Variants in CACNB4 observed in about 807,000 individuals in gnomAD.
CACNB4 encodes voltage-dependent L-type calcium channel subunit beta-4.
Under a neutral mutation model 71.2 loss-of-function variants are expected in CACNB4, and 32 were observed. That is an observed-to-expected ratio of 0.45 (90% confidence interval 0.34 to 0.60). CACNB4 has a LOEUF of 0.60. Ranked by LOEUF, CACNB4 falls within the 20% of genes least tolerant of loss-of-function variation. CACNB4 has a pLI of 0.01. For synonymous variants in CACNB4, 231 were observed against 236.9 expected (o/e 0.97, Z 0.23); for missense variants, 464 against 647.9 (o/e 0.72, Z 3.08).
intron 2 of CACNB4, among the ~76,000 whole-genome samples, chr2:151,994,453 A>C (rs187360245): frequency 2.0e-5 from 3 of 149,720 alleles, no homozygotes; most frequent in Non-Finnish European, 4.5e-5. Flanking sequence ...TGATCTGCCC[A>C]CCTTGGCCTC....
intron 2 of CACNB4, among the ~76,000 whole-genome samples, chr2:151,889,752 T>C (rs992340425): frequency 6.6e-6 from 1 of 152,162 alleles, no homozygotes; most frequent in Non-Finnish European, 1.5e-5. Context: ...TTCCTTTTCC[T>C]TCACCCCCTT....
At position 152,035,586 on chromosome 2, in the gene CACNB4, TCCC is replaced by T. The variant is rs1579174026; in HGVS notation, c.147+62741_147+62743del. On this transcript the variant is annotated intron_variant, in intron 2 of 13. Transcript: ENST00000539935. ...CTCTCTCTTTCTCTCTCTCTCTCTC[TCCC>T]TCTCTCTCTCTCTTTCTCTCTCTCT... Among the ~76,000 whole-genome samples, 15 of 148,112 alleles carry T rather than the reference TCCC, an allele frequency of 1.0e-4. No individual in the cohort carries two copies. The East Asian group carries it at 2.8e-3, about 28-fold the overall frequency.
intron 2 of CACNB4, among the ~76,000 whole-genome samples, chr2:151,929,596 G>A (rs1156609750): frequency 6.6e-6 from 1 of 152,154 alleles, no homozygotes; most frequent in African/African-American, 2.4e-5. Flanking sequence ...TGGAAAGGAA[G>A]GGGCAACAAT....
chr2:151,867,096 A>G (rs1303364583), intron 9 of CACNB4: 2 of 152,236 alleles, frequency 1.3e-5, no homozygotes, highest in Non-Finnish European at 2.9e-5. Context: ...TTATAGACCA[A>G]AATAATCTAA....
At chr2:151,944,556 C>A (rs1372554715) in intron 2 of CACNB4, among the ~76,000 whole-genome samples, 1 of 152,132 alleles carries the variant, frequency 6.6e-6, no homozygotes, top group Non-Finnish European at 1.5e-5. Flanking sequence ...CTTGAGGAGG[C>A]CAAGGCAGGC....
At chr2:152,030,651 A>G (rs1684236324) in intron 2 of CACNB4, among the ~76,000 whole-genome samples, 1 of 152,058 alleles carries the variant, frequency 6.6e-6, no homozygotes, top group Non-Finnish European at 1.5e-5. Context: ...CCTGTGTCCA[A>G]GTGTTCTCAT....
chr2:151,903,304 T>G (rs754476764), intron 2 of CACNB4, among the ~76,000 whole-genome samples: 60 of 152,030 alleles, frequency 3.9e-4, no homozygotes, highest in Admixed American at 9.8e-4. Context: ...ACTGGAGGGC[T>G]GGAGTTCCAG....
At chr2:151,872,597 A>C in intron 5 of CACNB4, 104 bp from the exon 6 acceptor site, 2 of 652,158 alleles carry the variant, frequency 3.1e-6, no homozygotes, top group Non-Finnish European at 5.4e-6. Context: ...AAATAATTCA[A>C]AACACACCAA....
chr2:151,963,064 G>T (rs1428452959), intron 2 of CACNB4, among the ~76,000 whole-genome samples: 1 of 152,086 alleles, frequency 6.6e-6, no homozygotes, highest in African/African-American at 2.4e-5. Context: ...TGTAATCCCA[G>T]TACTTTGGGA....
intron 9 of CACNB4, chr2:151,866,654 C>T (rs1309063588): frequency 6.6e-6 from 1 of 152,244 alleles, no homozygotes; most frequent in African/African-American, 2.4e-5. Context: ...ATACACTCAA[C>T]CAAGGAACTC....
intron 2 of CACNB4, among the ~76,000 whole-genome samples, chr2:152,048,207 C>G (rs1288789385): frequency 6.6e-6 from 1 of 152,072 alleles, no homozygotes; most frequent in African/African-American, 2.4e-5. Context: ...TCACTAGCAC[C>G]CCCTAGATGT....
intron 2 of CACNB4, among the ~76,000 whole-genome samples, chr2:152,011,824 A>G (rs975694249): frequency 6.6e-6 from 1 of 152,232 alleles, no homozygotes; most frequent in Non-Finnish European, 1.5e-5. Flanking sequence ...GACCAAATAT[A>G]TGACAGTGGT....
intron 2 of CACNB4, chr2:151,883,918 G>A (rs1005444103): frequency 1.1e-4 from 21 of 185,762 alleles, no homozygotes; most frequent in African/African-American, 3.6e-4. Flanking sequence ...CAGCCCAGAC[G>A]TGGTCAACAA....
At chr2:152,096,991 A>G (rs1688306669) in intron 2 of CACNB4, among the ~76,000 whole-genome samples, 1 of 152,238 alleles carries the variant, frequency 6.6e-6, no homozygotes, top group Non-Finnish European at 1.5e-5. Context: ...CATAACAGAA[A>G]AATGTTTTTA....
At chr2:151,941,667 AAG>A (rs918743121) in intron 2 of CACNB4, among the ~76,000 whole-genome samples, 93 of 152,330 alleles carry the variant, frequency 6.1e-4, no homozygotes, top group African/African-American at 2.2e-3. Flanking sequence ...TGGTCTGATC[AAG>A]ATGATAAGAC....
intron 2 of CACNB4, among the ~76,000 whole-genome samples, chr2:152,051,534 G>A (rs1685430169): frequency 6.6e-6 from 1 of 152,146 alleles, no homozygotes; most frequent in Non-Finnish European, 1.5e-5. Flanking sequence ...GATGGGGTTA[G>A]CGTCCTTCTA....
At chr2:152,034,424 G>C (rs1338623062) in intron 2 of CACNB4, among the ~76,000 whole-genome samples, 3 of 152,138 alleles carry the variant, frequency 2.0e-5, no homozygotes, top group Admixed American at 6.5e-5. Flanking sequence ...GAAGGGACCA[G>C]GCCACACAGC....
At position 152,071,895 on chromosome 2, in the gene CACNB4, A is replaced by G. The variant is rs544946926; in HGVS notation, c.147+26435T>C. The stretch of plus-strand genomic sequence containing the variant: ...CAAGATGAATGTGTAAGAAACATCA[A>G]TGTAAACCACTCCTGCCATTTAGGA... On this transcript the variant is annotated intron_variant, in intron 2 of 13. Coordinates refer to ENST00000539935, the MANE Select transcript of CACNB4 (RefSeq NM_000726.5). 8.5e-5 allele frequency among the ~76,000 whole-genome samples: 13 copies of G among 152,348 alleles called. No homozygotes were observed. In the East Asian group the frequency reaches 9.6e-4, roughly 11 times the overall value.
intron 2 of CACNB4, among the ~76,000 whole-genome samples, chr2:152,062,013 A>AAATAATAATAATAATAATAAT (rs10664776): frequency 7.8e-5 from 11 of 141,180 alleles, no homozygotes; most frequent in East Asian, 2.1e-4. Flanking sequence ...TTCCATCTCA[A>AAATAATAATAATAATAATAAT]AATAATAATA....
Sources: allele counts gnomAD v4.1 joint callset (sites outside exome capture counted in the v4.1 genomes callset), GRCh38; gene constraint gnomAD v4.1.1; transcripts MANE v1.5; gene names NCBI Gene and HGNC (gene_info 2026-07-23, HGNC 2026-07-21).